Variants in DHX35 observed in about 807,000 individuals in gnomAD.
The protein encoded by DHX35 is probable ATP-dependent RNA helicase DHX35.
In DHX35, 84 loss-of-function variants were observed where a neutral mutation model predicts 99.6. The ratio of observed to expected loss-of-function variants is 0.84; its 90% confidence interval spans 0.71 to 1.01. The LOEUF is 1.01. Among genes scored for constraint, DHX35 ranks in the 50% least tolerant of loss-of-function variants. The probability of loss-of-function intolerance (pLI) is 0.00; values close to 1 mark genes in which losing one functional copy is unlikely to be tolerated. For synonymous variants in DHX35, 331 were observed against 316.2 expected (o/e 1.05, Z -0.50); for missense variants, 852 against 888.5 (o/e 0.96, Z 0.52).
chr20:39,025,159 G>C, intron 17 of DHX35, 71 bp from the exon 18 acceptor site: 1 of 1,498,632 alleles, frequency 6.7e-7, no homozygotes, highest in Non-Finnish European at 9.0e-7. Context: ...AGAGAAGAAT[G>C]ATCTTTACAA....
At chr20:38,993,115 G>C (rs920610265) in intron 7 of DHX35, among the ~76,000 whole-genome samples, 1 of 150,998 alleles carries the variant, frequency 6.6e-6, no homozygotes, top group Non-Finnish European at 1.5e-5. Context: ...CTAGAAAGAA[G>C]TGGTAGAACA....
intron 4 of DHX35, among the ~76,000 whole-genome samples, chr20:38,985,374 C>CAAA (rs58084339): frequency 4.1e-5 from 3 of 73,916 alleles, no homozygotes; most frequent in African/African-American, 9.0e-5. Flanking sequence ...ACCCTATCTC[C>CAAA]AAAAAAAAAA....
At chr20:39,006,768 G>C (rs1226846005) in intron 12 of DHX35, among the ~76,000 whole-genome samples, 1 of 152,186 alleles carries the variant, frequency 6.6e-6, no homozygotes, top group Non-Finnish European at 1.5e-5. Flanking sequence ...TTCTGGTTCA[G>C]AGCATCTTTG....
intron 2 of DHX35, among the ~76,000 whole-genome samples, chr20:38,969,421 G>A (rs1453390998): frequency 1.3e-5 from 2 of 152,136 alleles, no homozygotes; most frequent in South Asian, 2.1e-4. Context: ...CAGTTGCATC[G>A]TACATACTGG....
intron 8 of DHX35, among the ~76,000 whole-genome samples, chr20:38,998,516 A>G (rs2086466385): frequency 6.6e-6 from 1 of 152,146 alleles, no homozygotes; most frequent in Non-Finnish European, 1.5e-5. Flanking sequence ...TGGCCATATC[A>G]TTTACATTCC....
chr20:39,013,194 T>C (rs953527209), intron 13 of DHX35, among the ~76,000 whole-genome samples: 1 of 152,282 alleles, frequency 6.6e-6, no homozygotes, highest in East Asian at 1.9e-4. Context: ...GAAATTGTGG[T>C]TTTTATGATT....
At chr20:38,980,511 G>GTTTTTTTTTTTTTTTTTTT (rs397953645) in intron 3 of DHX35, among the ~76,000 whole-genome samples, 5 of 136,990 alleles carry the variant, frequency 3.6e-5, no homozygotes, top group African/African-American at 1.3e-4. Context: ...TTATAGTTCT[G>GTTTTTTTTTTTTTTTTTTT]TTTTTTTTTT....
At chr20:39,015,508 C>T (rs1005236922) in intron 14 of DHX35, among the ~76,000 whole-genome samples, 1 of 148,052 alleles carries the variant, frequency 6.8e-6, no homozygotes, top group Non-Finnish European at 1.5e-5. Context: ...ACCTTAATAG[C>T]GTTTATCTTG....
chr20:38,977,890 A>T (rs1184957865), intron 3 of DHX35: 5 of 576,092 alleles, frequency 8.7e-6, no homozygotes, highest in Non-Finnish European at 1.7e-5. Flanking sequence ...AGCTTTCTTT[A>T]CTGGGGCTTT....
rs761580737 is a variant in DHX35, at chr20:39,006,229, C to A, written c.1095C>A (p.Leu365=). The A allele has an allele frequency of 1.1e-5, 18 of 1,614,026 alleles. No homozygotes were observed. In the Admixed American group the frequency reaches 2.8e-4, roughly 25 times the overall value. The change falls in exon 12 of 22, where the codon CTC becomes CTA. Residue 365 remains leucine, a synonymous_variant. Transcript: ENST00000252011. ...VYVIDCGFVK[L]RAYNPRTAIE... ...TGATCGACTGTGGCTTTGTGAAACTCCGAGCCTACAATCCCAGGACAGCTA... is the reference window on the plus strand; with the variant it reads ...TGATCGACTGTGGCTTTGTGAAACTACGAGCCTACAATCCCAGGACAGCTA...
chr20:38,977,566 G>T (rs528696640), intron 3 of DHX35: 1 of 281,136 alleles, frequency 3.6e-6, no homozygotes, highest in African/African-American at 2.3e-5. Flanking sequence ...CTAAAACCAA[G>T]CAAAGGGTGG....
At chr20:38,982,310 A>G (rs776849544) in intron 3 of DHX35, among the ~76,000 whole-genome samples, 1 of 152,234 alleles carries the variant, frequency 6.6e-6, no homozygotes, top group Non-Finnish European at 1.5e-5. Context: ...TAACTAGATT[A>G]CAGCATTTAT....
intron 8 of DHX35, among the ~76,000 whole-genome samples, chr20:38,999,761 T>C (rs2086489658): frequency 1.3e-5 from 2 of 152,220 alleles, no homozygotes; most frequent in Non-Finnish European, 1.5e-5. Flanking sequence ...GAATCTCTTA[T>C]TTCCTCTGCC....
intron 2 of DHX35, among the ~76,000 whole-genome samples, chr20:38,971,351 TC>T (rs2085993621): frequency 2.0e-5 from 3 of 152,170 alleles, no homozygotes; most frequent in African/African-American, 4.8e-5. Flanking sequence ...AGACTCCATC[TC>T]AAAAAACAAA....
In DHX35 at chr20:39,030,759, G is replaced by A; in HGVS notation, c.1939G>A (p.Glu647Lys). 6.2e-7 allele frequency: 1 copy of A among 1,614,160 alleles called. No homozygotes were observed. The highest frequency in any genetic ancestry group is 8.5e-7 in the Non-Finnish European group (1 of 1,180,036). ...HIHPASVLYA[E>K]KPPRWVIYNE... ...ACACCCTGCGTCAGTCCTCTATGCA[G>A]AGAAGCCGCCTCGCTGGTAAGCTCA... The change falls in exon 20 of 22, where the codon GAG (glutamate) becomes AAG (lysine). Residue 647 changes from glutamate (E) to lysine (K), a missense_variant. Glu to Lys is a moderately conservative substitution (Grantham distance 56, BLOSUM62 1). Coordinates refer to ENST00000252011, the MANE Select transcript of DHX35 (RefSeq NM_021931.4).
chr20:38,982,283 C>G (rs1342030948), intron 3 of DHX35, among the ~76,000 whole-genome samples: 2 of 152,080 alleles, frequency 1.3e-5, no homozygotes, highest in African/African-American at 4.8e-5. Flanking sequence ...AACTTGTAAC[C>G]TTGTTTGGAT....
rs111814115 is a variant in DHX35, at chr20:38,999,624, C to T, written c.643-2106C>T. ...ACTCTAGCCTTCTTTCCAATGTGCACGTGTGTGCACGTTCACTCACTGATT... is the reference window on the plus strand; with the variant it reads ...ACTCTAGCCTTCTTTCCAATGTGCATGTGTGTGCACGTTCACTCACTGATT... On this transcript the variant is annotated intron_variant, in intron 8 of 21. Transcript: ENST00000252011. Among the ~76,000 whole-genome samples, 1,302 of 152,354 alleles carry T rather than the reference C, an allele frequency of 8.5e-3. 20 individuals are homozygous for T. Among genetic ancestry groups the T allele is most frequent in the African/African-American group, 0.03 (1,239 of 41,582 alleles).
intron 11 of DHX35, among the ~76,000 whole-genome samples, chr20:39,004,924 C>T (rs1249445422): frequency 6.6e-6 from 1 of 152,148 alleles, no homozygotes; most frequent in Non-Finnish European, 1.5e-5. Context: ...TGAGTCTGCC[C>T]TGTCAAACAT....
intron 4 of DHX35, among the ~76,000 whole-genome samples, chr20:38,987,650 G>A (rs1568726236): frequency 6.6e-6 from 1 of 151,928 alleles, no homozygotes; most frequent in Non-Finnish European, 1.5e-5. Flanking sequence ...CCTTCTTGGG[G>A]GAATGCAGAG....
Sources: allele counts gnomAD v4.1 joint callset (sites outside exome capture counted in the v4.1 genomes callset), GRCh38; gene constraint gnomAD v4.1.1; transcripts MANE v1.5; gene names NCBI Gene and HGNC (gene_info 2026-07-23, HGNC 2026-07-21).